The following ELP4 variants were observed in gnomAD, a reference collection of about 807,000 sequenced individuals.
ELP4 encodes elongator acetyltransferase complex subunit 4, also known as elongator complex protein 4.
A neutral mutation model predicts 48.9 loss-of-function variants in ELP4; 51 were observed. The observed-to-expected ratio is 1.04, with a 90% confidence interval of 0.83 to 1.32. The LOEUF (loss-of-function observed/expected upper bound fraction) is 1.32, where lower values mean the gene tolerates loss of function less well. Ranked by LOEUF, ELP4 falls within the 40% of genes most tolerant of loss-of-function variation. ELP4 has a pLI of 0.00. For synonymous variants in ELP4, 210 were observed against 189.2 expected, an observed-to-expected ratio of 1.11 and a Z score of -0.90; for missense variants, 519 against 514.6, an observed-to-expected ratio of 1.01 and a Z score of -0.08.
intron 4 of ELP4, among the ~76,000 whole-genome samples, chr11:31,597,397 T>C (rs1957688351): frequency 6.6e-6 from 1 of 152,136 alleles, no homozygotes; most frequent in African/African-American, 2.4e-5. Flanking sequence ...GAGGCCAGAA[T>C]AGAGGTTAGT....
At chr11:31,574,479 T>A (rs1303561981) in intron 3 of ELP4, among the ~76,000 whole-genome samples, 1 of 152,352 alleles carries the variant, frequency 6.6e-6, no homozygotes, top group East Asian at 1.9e-4. Context: ...ACAGACAGAC[T>A]GCCTCCTCAA....
intron 9 of ELP4, among the ~76,000 whole-genome samples, chr11:31,737,666 G>C (rs1275885044): frequency 6.6e-6 from 1 of 152,034 alleles, no homozygotes; most frequent in Admixed American, 6.5e-5. Context: ...TCAAAAATGG[G>C]CAAAGGACTT....
intron 4 of ELP4, chr11:31,599,218 A>G (rs1477172656): frequency 1.3e-5 from 2 of 152,152 alleles, no homozygotes; most frequent in Non-Finnish European, 2.9e-5. Flanking sequence ...ACATTAATCA[A>G]TACAGACAAA....
At chr11:31,665,355 T>G (rs148397839) in intron 9 of ELP4, among the ~76,000 whole-genome samples, 1 of 151,966 alleles carries the variant, frequency 6.6e-6, no homozygotes, top group Admixed American at 6.6e-5. Context: ...TCCCTCTCGC[T>G]CTCTCTCTCT....
chr11:31,570,465 CCT>C (rs1491174580), intron 3 of ELP4, among the ~76,000 whole-genome samples: 3 of 138,070 alleles, frequency 2.2e-5, no homozygotes, highest in South Asian at 2.3e-4. Flanking sequence ...ATGTAATATA[CCT>C]TTTTTTTTTT....
chr11:31,714,117 G>T (rs988295754), intron 9 of ELP4, among the ~76,000 whole-genome samples: 1 of 152,066 alleles, frequency 6.6e-6, no homozygotes, highest in African/African-American at 2.4e-5. Flanking sequence ...GTTTCATTTT[G>T]GATGTAAAAC....
At chr11:31,657,612 C>T (rs1048596402) in intron 9 of ELP4, among the ~76,000 whole-genome samples, 29 of 151,970 alleles carry the variant, frequency 1.9e-4, no homozygotes, top group African/African-American at 6.5e-4. Flanking sequence ...CTACTTTGTT[C>T]TAGGTATTGT....
chr11:31,778,394 A>C (rs1334909457), intron 9 of ELP4, among the ~76,000 whole-genome samples: 1 of 152,224 alleles, frequency 6.6e-6, no homozygotes, highest in Non-Finnish European at 1.5e-5. Context: ...AGGCAGACTG[A>C]GACCTGGTGG....
At chr11:31,712,509 A>G (rs1565123351) in intron 9 of ELP4, among the ~76,000 whole-genome samples, 1 of 152,146 alleles carries the variant, frequency 6.6e-6, no homozygotes. Flanking sequence ...AATAAATCCT[A>G]AGAGGCTTCT....
chr11:31,678,843 A>T (rs1272468538), intron 9 of ELP4, among the ~76,000 whole-genome samples: 1 of 152,134 alleles, frequency 6.6e-6, no homozygotes, highest in African/African-American at 2.4e-5. Context: ...ACTGACTTCC[A>T]CAGTAGCTAC....
chr11:31,649,773 G>T, intron 8 of ELP4: 1 of 182,628 alleles, frequency 5.5e-6, no homozygotes, highest in Non-Finnish European at 1.1e-5. Context: ...GCCGTGGGCA[G>T]CATGCAAGGT....
chr11:31,760,670 A>G (rs1947926738), intron 9 of ELP4, among the ~76,000 whole-genome samples: 1 of 152,218 alleles, frequency 6.6e-6, no homozygotes, highest in Admixed American at 6.5e-5. Flanking sequence ...ACTTTTTAGA[A>G]ATAATACTTC....
At chr11:31,609,385 A>G (rs1306512982) in intron 5 of ELP4, among the ~76,000 whole-genome samples, 1 of 152,102 alleles carries the variant, frequency 6.6e-6, no homozygotes, top group Non-Finnish European at 1.5e-5. Context: ...TTTGCACCAT[A>G]TGTTAGGAGC....
At chr11:31,547,862 A>T (rs1424313477) in intron 3 of ELP4, among the ~76,000 whole-genome samples, 2 of 152,194 alleles carry the variant, frequency 1.3e-5, no homozygotes, top group African/African-American at 4.8e-5. Flanking sequence ...AATCCAGCAT[A>T]TAAACAGAAC....
chr11:31,561,615 T>A (rs1244138921), intron 3 of ELP4, among the ~76,000 whole-genome samples: 1 of 152,126 alleles, frequency 6.6e-6, no homozygotes, highest in African/African-American at 2.4e-5. Flanking sequence ...GACTAATTTT[T>A]ATATTTTTAA....
chr11:31,754,691 T>C (rs1226003791), intron 9 of ELP4, among the ~76,000 whole-genome samples: 2 of 152,012 alleles, frequency 1.3e-5, no homozygotes, highest in Non-Finnish European at 2.9e-5. Context: ...GCCAACATGG[T>C]GAAACCCTAT....
rs1358669299 is a variant in ELP4, at chr11:31,789,268, T to TGAC, written c.*5745_*5747dup. The TGAC allele has an allele frequency of 1.4e-5, 3 of 219,964 alleles. No individual in the cohort carries two copies. Among genetic ancestry groups the TGAC allele is most frequent in the African/African-American group, 6.7e-5 (3 of 44,686 alleles). The allele number at this position is 219,964 out of a possible 1,614,324, so 13.6% of individuals were successfully genotyped here. On this transcript the variant is annotated 3_prime_UTR_variant, in exon 10 of 10. Transcript: ENST00000640961. ...CTAGGGAAGACAAATACTTACATTT[T>TGAC]GACATAAAACAAATTGGATTATATC...
chr11:31,682,222 T>A (rs1468737818), intron 9 of ELP4: 4 of 491,154 alleles, frequency 8.1e-6, no homozygotes, highest in South Asian at 4.8e-5. Flanking sequence ...TTTGCCAGGA[T>A]CTGAATGATG....
intron 9 of ELP4, among the ~76,000 whole-genome samples, chr11:31,683,917 G>A (rs1946107963): frequency 6.6e-6 from 1 of 152,044 alleles, no homozygotes; most frequent in African/African-American, 2.4e-5. Context: ...AAACATTACT[G>A]GATGAACTTT....
Sources: gnomAD v4.1 joint callset for allele counts (sites outside exome capture counted in the v4.1 genomes callset) on GRCh38, gnomAD v4.1.1 for gene constraint, MANE v1.5 for transcripts, NCBI Gene and HGNC (gene_info 2026-07-23, HGNC 2026-07-21) for gene names.